SLC35F1: variants seen among roughly 807,000 people sequenced by gnomAD.
SLC35F1 encodes the protein solute carrier family 35 member F1.
In SLC35F1, 14 loss-of-function variants were observed where a neutral mutation model predicts 48.7. That is an observed-to-expected ratio of 0.29 (90% CI 0.19 to 0.45). The LOEUF (loss-of-function observed/expected upper bound fraction) is 0.45. Among genes scored for constraint, SLC35F1 ranks in the 20% least tolerant of loss-of-function variants. SLC35F1 has a pLI of 1.00. For synonymous variants in SLC35F1, 190 were observed against 202.2 expected, an observed-to-expected ratio of 0.94 and a Z score of 0.51; for missense variants, 404 against 500.0, an observed-to-expected ratio of 0.81 and a Z score of 1.83.
intron 5 of SLC35F1, 147 bp from the exon 6 acceptor site, chr6:118,277,347 C>T (rs775860713): frequency 3.6e-5 from 26 of 718,058 alleles, no homozygotes; most frequent in Non-Finnish European, 5.6e-5. Flanking sequence ...ATTAGACTTG[C>T]TTCTGCATGA....
chr6:118,003,744 T>G (rs972812819), intron 1 of SLC35F1, among the ~76,000 whole-genome samples: 2 of 152,230 alleles, frequency 1.3e-5, no homozygotes, highest in Non-Finnish European at 2.9e-5. Flanking sequence ...TTAATGATTT[T>G]ACATTTTTTT....
intron 1 of SLC35F1, among the ~76,000 whole-genome samples, chr6:117,930,381 G>A (rs985730017): frequency 6.6e-6 from 1 of 152,158 alleles, no homozygotes; most frequent in African/African-American, 2.4e-5. Flanking sequence ...AACAAGTGGA[G>A]TAGAAATGGG....
At chr6:118,184,234 G>A (rs1168034467) in intron 2 of SLC35F1, among the ~76,000 whole-genome samples, 1 of 152,146 alleles carries the variant, frequency 6.6e-6, no homozygotes, top group Non-Finnish European at 1.5e-5. Context: ...ACAATGTTGT[G>A]TTGTGCCAGT....
chr6:118,154,565 C>T lies in SLC35F1; in HGVS notation c.294C>T (p.Phe98=), dbSNP rs1372024894. Residue 98 remains phenylalanine, a synonymous_variant, in exon 2 of 8, where the codon TTC becomes TTT. Coordinates refer to ENST00000360388, the MANE Select transcript of SLC35F1 (RefSeq NM_001029858.4). ...CCAACACACCAGTCTTCCAGAGTTT[C>T]CTCAATTACATTCTTCTCTTCTTGG... ...FHANTPVFQS[F]LNYILLFLVY... is the part of the protein sequence containing the mutation. The T allele has an allele frequency of 5.6e-6, 9 of 1,613,852 alleles. No individual in the cohort carries two copies. The highest frequency in any genetic ancestry group is 7.6e-6 in the Non-Finnish European group (9 of 1,179,922).
chr6:118,265,113 G>A (rs1775755776), intron 3 of SLC35F1, among the ~76,000 whole-genome samples: 1 of 152,204 alleles, frequency 6.6e-6, no homozygotes, highest in Non-Finnish European at 1.5e-5. Flanking sequence ...TTGCAGAGGA[G>A]AAGACCAGTG....
chr6:118,261,154 T>C (rs547168398), intron 3 of SLC35F1, among the ~76,000 whole-genome samples: 2 of 152,242 alleles, frequency 1.3e-5, no homozygotes, highest in Admixed American at 6.5e-5. Context: ...GAAAATAATA[T>C]AAATTCTGTC....
chr6:118,308,457 G>A (rs898232600), intron 7 of SLC35F1, among the ~76,000 whole-genome samples: 29 of 152,090 alleles, frequency 1.9e-4, no homozygotes, highest in African/African-American at 5.6e-4. Flanking sequence ...TACTAGCTCC[G>A]AAACCCACAT....
intron 1 of SLC35F1, among the ~76,000 whole-genome samples, chr6:118,071,072 ACTATGTG>A (rs1562280982): frequency 1.5e-3 from 6 of 3,970 alleles, no homozygotes; most frequent in Non-Finnish European, 2.6e-3. Flanking sequence ...ACGTATATAT[ACTATGTG>A]TATATATACA....
At chr6:117,946,078 A>C (rs1017361165) in intron 1 of SLC35F1, among the ~76,000 whole-genome samples, 1 of 152,162 alleles carries the variant, frequency 6.6e-6, no homozygotes, top group Admixed American at 6.5e-5. Flanking sequence ...ACCTTAGTGC[A>C]AGAATAAAAG....
intron 1 of SLC35F1, among the ~76,000 whole-genome samples, chr6:118,066,789 A>G (rs181596118): frequency 7.3e-6 from 1 of 136,722 alleles, no homozygotes; most frequent in African/African-American, 2.8e-5. Flanking sequence ...TCTGTCACCC[A>G]GGCTGGAATG....
rs1582679005 is a variant in SLC35F1 at position 118,124,947 on chromosome 6, A to G, written c.174-29498A>G. Among the ~76,000 whole-genome samples, 8 of 152,326 alleles carry G rather than the reference A, an allele frequency of 5.3e-5. 1 individual carries two copies. The South Asian group carries it at 1.7e-3, about 32-fold the overall frequency. On this transcript the variant is annotated intron_variant, in intron 1 of 7. Transcript: ENST00000360388. ...ATGGTGGCAAGATGAATGAACAGTA[A>G]ATTATAATGATGCAAAACTCAATCA... is the stretch of plus-strand genomic sequence containing the variant.
At chr6:118,020,417 T>G (rs1291137094) in intron 1 of SLC35F1, among the ~76,000 whole-genome samples, 1 of 152,212 alleles carries the variant, frequency 6.6e-6, no homozygotes, top group Non-Finnish European at 1.5e-5. Flanking sequence ...CCAACCAGTT[T>G]GAAAGTTGGA....
intron 3 of SLC35F1, among the ~76,000 whole-genome samples, chr6:118,252,248 G>C (rs918304348): frequency 1.3e-5 from 2 of 152,134 alleles, no homozygotes; most frequent in Non-Finnish European, 2.9e-5. Flanking sequence ...TAGACAGTCA[G>C]GGGGCCACTA....
intron 2 of SLC35F1, among the ~76,000 whole-genome samples, chr6:118,219,317 AGTGTAACAG>A (rs1189369856): frequency 6.6e-6 from 1 of 152,212 alleles, no homozygotes; most frequent in Admixed American, 6.5e-5. Flanking sequence ...TGTTCGTAAG[AGTGTAACAG>A]AAAAAGATCA....
intron 3 of SLC35F1, among the ~76,000 whole-genome samples, chr6:118,238,964 G>A (rs1418483956): frequency 6.6e-6 from 1 of 151,996 alleles, no homozygotes; most frequent in Middle Eastern, 3.2e-3. Flanking sequence ...CATTAAGGGA[G>A]AGGTGAGACA....
At chr6:118,033,895 C>T (rs989451996) in intron 1 of SLC35F1, among the ~76,000 whole-genome samples, 2 of 152,086 alleles carry the variant, frequency 1.3e-5, no homozygotes, top group East Asian at 1.9e-4. Context: ...CCTTGTTCAT[C>T]GTTATATTTC....
chr6:118,116,940 TG>T (rs1773483637), intron 1 of SLC35F1, among the ~76,000 whole-genome samples: 1 of 152,230 alleles, frequency 6.6e-6, no homozygotes, highest in South Asian at 2.1e-4. Flanking sequence ...TGCACTCATG[TG>T]TATCCAACCC....
At chr6:118,269,310 G>A (rs1258886764) in intron 4 of SLC35F1, among the ~76,000 whole-genome samples, 2 of 152,174 alleles carry the variant, frequency 1.3e-5, no homozygotes, top group Non-Finnish European at 2.9e-5. Context: ...ATCTGCTTAA[G>A]GCCCACAGCA....
At chr6:117,939,663 T>G (rs1776204585) in intron 1 of SLC35F1, among the ~76,000 whole-genome samples, 2 of 152,118 alleles carry the variant, frequency 1.3e-5, no homozygotes, top group Non-Finnish European at 2.9e-5. Context: ...AACCCGGAAA[T>G]ATAACAAGGA....
Sources: allele counts gnomAD v4.1 joint callset (sites outside exome capture counted in the v4.1 genomes callset), GRCh38; gene constraint gnomAD v4.1.1; transcripts MANE v1.5; gene names NCBI Gene and HGNC (gene_info 2026-07-23, HGNC 2026-07-21).